The following HIVEP3 variants were observed in gnomAD, a reference collection of about 807,000 sequenced individuals.
The protein encoded by HIVEP3 is HIVEP zinc finger 3.
HIVEP3 carries 49 observed loss-of-function variants against 152.8 expected under a neutral mutation model. The observed-to-expected ratio is 0.32, with a 90% CI of 0.26 to 0.41. The LOEUF (loss-of-function observed/expected upper bound fraction) is 0.41, where lower values mean the gene tolerates loss of function less well. HIVEP3 is among the 10% of genes least tolerant of loss of function. The pLI, the probability that HIVEP3 is intolerant of heterozygous loss-of-function variation, is 1.00. For missense variants in HIVEP3, 2,790 were observed against 3,103.3 expected (o/e 0.90, Z 2.40); for synonymous variants, 1,269 against 1,289.0 (o/e 0.98, Z 0.33).
intron 1 of HIVEP3, among the ~76,000 whole-genome samples, chr1:42,003,019 G>T (rs1645437213): frequency 6.6e-6 from 1 of 151,972 alleles, no homozygotes; most frequent in Admixed American, 6.6e-5. Flanking sequence ...TGTTCTAACT[G>T]CTAACTAATA....
In HIVEP3 at chr1:41,694,254, C is replaced by T. The variant is rs1252236635; in HGVS notation, c.-721+6662G>A. Among the ~76,000 whole-genome samples the T allele has an allele frequency of 7.9e-5, 12 of 152,274 alleles. No homozygotes were observed. In the East Asian group the frequency reaches 2.3e-3, roughly 29 times the overall value. The stretch of plus-strand genomic sequence containing the variant: ...CACCTTCTTGATGAAAGCTTTTCTA[C>T]TCAGCCCTGCAAGAGTCTTTTCTAA... On this transcript the variant is annotated intron_variant, in intron 2 of 8. Coordinates refer to ENST00000372583, the MANE Select transcript of HIVEP3 (RefSeq NM_024503.5).
intron 1 of HIVEP3, among the ~76,000 whole-genome samples, chr1:41,946,908 G>GACAGTGGGTTTCTAGT (rs1557534267): frequency 6.6e-6 from 1 of 152,080 alleles, no homozygotes; most frequent in Non-Finnish European, 1.5e-5. Context: ...AAACCCAACG[G>GACAGTGGGTTTCTAGT]ACAGTGGAGG....
chr1:42,033,644 G>C (rs565510536), intron 1 of HIVEP3, among the ~76,000 whole-genome samples: 2 of 152,348 alleles, frequency 1.3e-5, no homozygotes, highest in African/African-American at 4.8e-5. Context: ...AAGGAGATAA[G>C]GTTTCTTGCT....
chr1:41,659,792 C>G (rs1438711891), intron 2 of HIVEP3, among the ~76,000 whole-genome samples: 2 of 152,170 alleles, frequency 1.3e-5, no homozygotes, highest in Non-Finnish European at 2.9e-5. Flanking sequence ...GGAAATGCGG[C>G]GTTGGGTTGG....
At chr1:41,689,531 GA>G (rs966983979) in intron 2 of HIVEP3, among the ~76,000 whole-genome samples, 4 of 152,168 alleles carry the variant, frequency 2.6e-5, no homozygotes, top group Non-Finnish European at 4.4e-5. Context: ...TCCCTGGGAG[GA>G]AAAACACACC....
Position 41,583,497 on chromosome 1 carries a change from G to A in HIVEP3, c.1301C>T (p.Ala434Val), listed in dbSNP as rs777077808. The A allele has an allele frequency of 6.2e-7, 1 of 1,613,942 alleles. No homozygotes were observed. Among genetic ancestry groups the A allele is most frequent in the South Asian group, 1.1e-5 (1 of 91,042 alleles). The change falls in exon 4 of 9, where the codon GCC (alanine) becomes GTC (valine). Residue 434 changes from alanine to valine, a missense_variant. By Grantham distance (64) the Ala-to-Val change is moderately conservative. Transcript: ENST00000372583. This position sits in a 1 kb window ranked among gnomAD's most constrained non-coding sequence, Gnocchi z 6.9. ...GGGCAGGAGGGGCTGGGTGGAGGTG[G>A]CTGTCAGCATGGCGGTCCGCTGTCC... ...RIGQRTAMLT[A>V]TSTQPLLPLS...
In HIVEP3 at chr1:41,580,966, TG is replaced by T; in HGVS notation, c.3831del (p.Ser1278AlafsTer106). The T allele has an allele frequency of 6.2e-7, 1 of 1,602,420 alleles. No individual in the cohort carries two copies. Among genetic ancestry groups the T allele is most frequent in the Non-Finnish European group, 8.5e-7 (1 of 1,174,000 alleles). ...PLATGSAGLS[P>X]STEYSSDIRL... ...CGGATGTCACTGCTGTACTCTGTGC[TG>T]GGGGAGAGGCCAGCACTTCCTGTTG... On this transcript the variant is annotated frameshift_variant, in exon 4 of 9. Coordinates refer to ENST00000372583, the MANE Select transcript of HIVEP3 (RefSeq NM_024503.5). LOFTEE classifies it high-confidence loss of function.
chr1:42,002,774 T>C lies in HIVEP3; in HGVS notation n.119+33033A>G, dbSNP rs990520779. 2.6e-5 allele frequency among the ~76,000 whole-genome samples: 4 copies of C among 152,218 alleles called. No individual in the cohort carries two copies. In the East Asian group the frequency reaches 7.8e-4, roughly 30 times the overall value. Reference sequence around the variant, plus strand: ...AAAGGGAAACATCCAGACATCATTCTGGCTCCAGGTTCCCCCTCCCACCCT... The same window carrying C: ...AAAGGGAAACATCCAGACATCATTCCGGCTCCAGGTTCCCCCTCCCACCCT... On this transcript the variant is annotated intron_variant and non_coding_transcript_variant, in intron 1 of 3. Coordinates refer to the HIVEP3 transcript ENST00000489103.
intron 1 of HIVEP3, among the ~76,000 whole-genome samples, chr1:42,024,613 C>T (rs931474623): frequency 6.6e-6 from 1 of 152,092 alleles, no homozygotes; most frequent in Admixed American, 6.6e-5. Context: ...ATATTTTAGC[C>T]TGTAAGATAT....
chr1:41,891,604 C>A (rs1009877049), intron 1 of HIVEP3, among the ~76,000 whole-genome samples: 1 of 152,194 alleles, frequency 6.6e-6, no homozygotes, highest in Non-Finnish European at 1.5e-5. Flanking sequence ...CTAGCTAGAT[C>A]TCAGCAAATG....
At chr1:41,655,582 CAAAAAAAAAAAAAAAA>C (rs55918119) in intron 2 of HIVEP3, among the ~76,000 whole-genome samples, 1 of 57,408 alleles carries the variant, frequency 1.7e-5, no homozygotes, top group South Asian at 7.8e-4. Flanking sequence ...CACTCCATCT[CAAAAAAAAAAAAAAAA>C]AAAAAAAAAG....
At chr1:41,591,049 A>T (rs1644580136) in intron 3 of HIVEP3, among the ~76,000 whole-genome samples, 1 of 152,236 alleles carries the variant, frequency 6.6e-6, no homozygotes, top group African/African-American at 2.4e-5. Context: ...GGCACCTGAC[A>T]TATAGTAAGC....
intron 1 of HIVEP3, among the ~76,000 whole-genome samples, chr1:42,030,125 G>C (rs956136507): frequency 6.6e-6 from 1 of 152,150 alleles, no homozygotes; most frequent in Non-Finnish European, 1.5e-5. Flanking sequence ...GAGGCTACAA[G>C]GAACCCTTGG....
At chr1:41,985,923 G>A (rs889830999) in intron 1 of HIVEP3, among the ~76,000 whole-genome samples, 3 of 152,046 alleles carry the variant, frequency 2.0e-5, no homozygotes, top group Admixed American at 2.0e-4. Context: ...TCTCTTCTGT[G>A]AATATGAAAG....
At chr1:41,733,503 G>A (rs142473224) in intron 1 of HIVEP3, among the ~76,000 whole-genome samples, 74 of 152,336 alleles carry the variant, frequency 4.9e-4, no homozygotes, top group African/African-American at 1.7e-3. Context: ...ACTGAGGCCC[G>A]GCCAGGAGCC....
At chr1:41,620,142 G>A (rs1048827501) in intron 3 of HIVEP3, among the ~76,000 whole-genome samples, 1 of 152,142 alleles carries the variant, frequency 6.6e-6, no homozygotes, top group Non-Finnish European at 1.5e-5. Flanking sequence ...CGACCCCAGG[G>A]AGGCATGCCA....
intron 1 of HIVEP3, among the ~76,000 whole-genome samples, chr1:41,924,120 T>C (rs1420980020): frequency 6.6e-6 from 1 of 152,172 alleles, no homozygotes; most frequent in Non-Finnish European, 1.5e-5. Context: ...ATCACAAGTA[T>C]CCTTATAGGA....
intron 1 of HIVEP3, among the ~76,000 whole-genome samples, chr1:41,725,786 G>A (rs182752302): frequency 3.2e-3 from 486 of 152,290 alleles, no homozygotes; most frequent in Middle Eastern, 0.02. Context: ...AGGACATAGT[G>A]GCTCAGAGAG....
chr1:41,577,898 T>C (rs1025571990), intron 4 of HIVEP3, among the ~76,000 whole-genome samples: 5 of 152,220 alleles, frequency 3.3e-5, no homozygotes, highest in Non-Finnish European at 7.3e-5. Flanking sequence ...ATGTACCAGA[T>C]TGGTGCAATT....
Sources: allele counts gnomAD v4.1 joint callset (sites outside exome capture counted in the v4.1 genomes callset), GRCh38; gene constraint gnomAD v4.1.1; non-coding constraint Gnocchi (gnomAD v3.1); transcripts MANE v1.5; gene names NCBI Gene and HGNC (gene_info 2026-07-23, HGNC 2026-07-21).